TOM1L2: variants seen among roughly 807,000 people sequenced by gnomAD.
TOM1L2 encodes the protein TOM1-like protein 2.
In TOM1L2, 31 loss-of-function variants were observed where a neutral mutation model predicts 67.9. The observed-to-expected ratio is 0.46, with a 90% CI of 0.34 to 0.62. The LOEUF (loss-of-function observed/expected upper bound fraction) is 0.62. Among genes scored for constraint, TOM1L2 ranks in the 20% least tolerant of loss-of-function variants. The probability of loss-of-function intolerance (pLI) is 0.01; values close to 1 mark genes in which losing one functional copy is unlikely to be tolerated. For missense variants in TOM1L2, 606 were observed against 663.5 expected, an observed-to-expected ratio of 0.91 and a Z score of 0.95; for synonymous variants, 256 against 254.0, an observed-to-expected ratio of 1.01 and a Z score of -0.07.
At chr17:17,909,977 T>C (rs929742944) in intron 1 of TOM1L2, among the ~76,000 whole-genome samples, 1 of 152,166 alleles carries the variant, frequency 6.6e-6, no homozygotes, top group Non-Finnish European at 1.5e-5. Context: ...TGCAGTGAGA[T>C]ATGATTGAGC....
intron 2 of TOM1L2, among the ~76,000 whole-genome samples, chr17:17,905,687 C>T (rs66531105): frequency 0.49 from 73,995 of 151,962 alleles, 19,085 homozygotes; most frequent in East Asian, 0.86. Flanking sequence ...TGCAGGTGCA[C>T]GCCACTATGC....
chr17:17,872,418 C>T lies in TOM1L2; in HGVS notation c.778-2945G>A, dbSNP rs79717717. ...ACAGATTTAGGTTAACTTTGACAGACCATCCTCCCCTGCTTCCTAAAAGAA... is the reference window on the plus strand; with the variant it reads ...ACAGATTTAGGTTAACTTTGACAGATCATCCTCCCCTGCTTCCTAAAAGAA... On this transcript the variant is annotated intron_variant, in intron 7 of 14. Coordinates refer to ENST00000379504, the MANE Select transcript of TOM1L2 (RefSeq NM_001082968.2). 7.5e-3 allele frequency among the ~76,000 whole-genome samples: 1,140 copies of T among 152,302 alleles called. 14 individuals carry two copies. Among genetic ancestry groups the T allele is most frequent in the African/African-American group, 0.026 (1,096 of 41,548 alleles).
At chr17:17,850,097 C>T (rs931859967) in intron 13 of TOM1L2, among the ~76,000 whole-genome samples, 3 of 152,154 alleles carry the variant, frequency 2.0e-5, no homozygotes, top group African/African-American at 7.2e-5. Context: ...AGGCCCCCTA[C>T]AGAGGAGGCA....
At chr17:17,875,804 G>C (rs1323292503) in intron 7 of TOM1L2, among the ~76,000 whole-genome samples, 1 of 152,252 alleles carries the variant, frequency 6.6e-6, no homozygotes, top group African/African-American at 2.4e-5. Context: ...ATAAGGTCCT[G>C]AAGATCTGTT....
intron 13 of TOM1L2, 49 bp downstream of exon 13, chr17:17,850,844 C>T (rs759271794): frequency 6.2e-7 from 1 of 1,601,584 alleles, no homozygotes; most frequent in South Asian, 1.1e-5. Flanking sequence ...CTCAGAAGAG[C>T]CTCTGCCGCT....
chr17:17,882,863 T>A lies in TOM1L2; in HGVS notation c.502A>T (p.Ser168Cys). The A allele has an allele frequency of 1.2e-6, 2 of 1,614,002 alleles. No individual in the cohort carries two copies. The highest frequency in any genetic ancestry group is 1.7e-6 in the Non-Finnish European group (2 of 1,179,930). The change falls in exon 6 of 15, where the codon AGT (serine) becomes TGT (cysteine). Residue 168 changes from serine (S) to cysteine (C), a missense_variant and splice_region_variant. Physicochemically the swap from Ser to Cys is moderately radical, Grantham distance 112. This residue lies in a region of TOM1L2 where 543 missense variants were observed against 554.0 expected (regional missense o/e 0.98). Coordinates refer to ENST00000379504, the MANE Select transcript of TOM1L2 (RefSeq NM_001082968.2). The stretch of plus-strand genomic sequence containing the variant: ...GCAGCTGGATCCACTTCAGGGACAC[T>A]CTGGCATGGCAACAACAAAGTCCTC... The part of the protein sequence containing the change: ...ALSPIHTPQR[S>C]VPEVDPAATM...
At chr17:17,913,032 C>T (rs985301643) in intron 1 of TOM1L2, among the ~76,000 whole-genome samples, 4 of 152,124 alleles carry the variant, frequency 2.6e-5, no homozygotes, top group Admixed American at 6.5e-5. Context: ...AAAAAAAATA[C>T]GAAAACCAGT....
intron 1 of TOM1L2, among the ~76,000 whole-genome samples, chr17:17,928,987 C>T (rs1160188144): frequency 6.6e-6 from 1 of 152,172 alleles, no homozygotes; most frequent in Non-Finnish European, 1.5e-5. Flanking sequence ...ACAGAAAAAT[C>T]CCATTTTGTT....
chr17:17,922,191 G>T (rs1022813720), intron 1 of TOM1L2, among the ~76,000 whole-genome samples: 1 of 152,222 alleles, frequency 6.6e-6, no homozygotes, highest in Non-Finnish European at 1.5e-5. Context: ...CTGAACAGGG[G>T]AGCAGAGGGG....
intron 1 of TOM1L2, among the ~76,000 whole-genome samples, chr17:17,918,052 C>T (rs528761609): frequency 1.6e-4 from 24 of 152,152 alleles, no homozygotes; most frequent in Admixed American, 1.1e-3. Context: ...TTATAGTTTT[C>T]GGTGCACAAT....
chr17:17,907,682 G>T, intron 1 of TOM1L2, 151 bp from the exon 2 acceptor site: 1 of 643,242 alleles, frequency 1.6e-6, no homozygotes, highest in Non-Finnish European at 2.7e-6. Context: ...TATCACAAGA[G>T]AACACCCGGG....
chr17:17,872,259 A>T (rs1466255507), intron 7 of TOM1L2, among the ~76,000 whole-genome samples: 1 of 152,294 alleles, frequency 6.6e-6, no homozygotes, highest in Non-Finnish European at 1.5e-5. Flanking sequence ...GTCCAAACTT[A>T]TGAAAGAAAC....
At chr17:17,885,062 C>T (rs1298369659) in intron 4 of TOM1L2, among the ~76,000 whole-genome samples, 1 of 152,190 alleles carries the variant, frequency 6.6e-6, no homozygotes, top group African/African-American at 2.4e-5. Context: ...GGTGGTGCAT[C>T]CTAAAAAGCA....
intron 8 of TOM1L2, among the ~76,000 whole-genome samples, chr17:17,867,432 C>G (rs2036916004): frequency 6.6e-6 from 1 of 152,168 alleles, no homozygotes. Context: ...GTAGCTGCTA[C>G]AGAGAGGCCT....
At chr17:17,891,784 C>CGTGTGTGTGTGTGTGTGTGTGTGT (rs374192888) in intron 4 of TOM1L2, among the ~76,000 whole-genome samples, 1 of 143,128 alleles carries the variant, frequency 7.0e-6, no homozygotes, top group Admixed American at 6.9e-5. Flanking sequence ...TGCATGCACA[C>CGTGTGTGTGTGTGTGTGTGTGTGT]GTGTGTGTGT....
In TOM1L2 at chr17:17,944,257, G is replaced by A. The variant is rs560243638; in HGVS notation, c.52+28005C>T. Among the ~76,000 whole-genome samples, 3 of 152,370 alleles carry A rather than the reference G, an allele frequency of 2.0e-5. No individual in the cohort carries two copies. In the East Asian group the frequency reaches 5.8e-4, roughly 29 times the overall value. ...GGCTGCCTGGTGAGTGGACAGGTGA[G>A]GACGGCAGGATGCTGAGCAAAGGGA... On this transcript the variant is annotated intron_variant, in intron 1 of 14. Transcript: ENST00000379504.
intron 12 of TOM1L2, among the ~76,000 whole-genome samples, chr17:17,856,050 G>C (rs531845138): frequency 1.3e-5 from 2 of 152,318 alleles, no homozygotes; most frequent in East Asian, 3.9e-4. Context: ...AGAGACTGGA[G>C]CTCTACGTGG....
intron 1 of TOM1L2, among the ~76,000 whole-genome samples, chr17:17,928,524 C>A (rs954352122): frequency 1.3e-5 from 2 of 152,214 alleles, no homozygotes; most frequent in African/African-American, 2.4e-5. Context: ...AAGGCGACAC[C>A]CTCCCTTTAA....
chr17:17,878,407 C>T (rs2037534791), intron 7 of TOM1L2, among the ~76,000 whole-genome samples: 1 of 152,212 alleles, frequency 6.6e-6, no homozygotes, highest in Admixed American at 6.5e-5. Flanking sequence ...CTGCAAAAAG[C>T]TGCAAGCTCC....
Sources: allele counts gnomAD v4.1 joint callset (sites outside exome capture counted in the v4.1 genomes callset), GRCh38; gene constraint gnomAD v4.1.1; regional missense constraint gnomAD v4.1.1; transcripts MANE v1.5; gene names NCBI Gene and HGNC (gene_info 2026-07-23, HGNC 2026-07-21).